The following KAZN variants were observed in gnomAD, a reference collection of about 807,000 sequenced individuals.
The protein encoded by KAZN is kazrin, periplakin interacting protein, also known as kazrin.
Under a neutral mutation model 87.4 loss-of-function variants are expected in KAZN, and 40 were observed. The observed-to-expected ratio is 0.46, with a 90% confidence interval of 0.36 to 0.60. The LOEUF (loss-of-function observed/expected upper bound fraction) is 0.60. KAZN is among the 20% of genes least tolerant of loss of function. The probability of loss-of-function intolerance (pLI) is 0.00; values close to 1 mark genes in which losing one functional copy is unlikely to be tolerated. For missense variants in KAZN, 898 were observed against 1,073.9 expected, an observed-to-expected ratio of 0.84 and a Z score of 2.29; for synonymous variants, 466 against 458.3, an observed-to-expected ratio of 1.02 and a Z score of -0.22.
At chr1:14,466,696 C>T (rs372313428) in intron 2 of KAZN, among the ~76,000 whole-genome samples, 171 of 151,556 alleles carry the variant, frequency 1.1e-3, no homozygotes, top group South Asian at 6.3e-3. Context: ...CGGCCAGGCG[C>T]GGTGGCTCAC....
intron 1 of KAZN, among the ~76,000 whole-genome samples, chr1:14,818,884 G>A (rs879778164): frequency 9.9e-5 from 15 of 152,132 alleles, no homozygotes; most frequent in South Asian, 2.1e-4. Flanking sequence ...GTGAAAGACC[G>A]TCTCTACTAA....
chr1:14,612,655 A>G (rs887687410), intron 1 of KAZN, among the ~76,000 whole-genome samples: 34 of 152,146 alleles, frequency 2.2e-4, no homozygotes, highest in Admixed American at 2.2e-3. Flanking sequence ...TCAGCACTGT[A>G]GACATTCTAG....
At position 13,998,689 on chromosome 1, in the gene KAZN, C is replaced by A. The variant is rs562299291; in HGVS notation, c.91+104933C>A. ...TAACTATTCTAAATATATATGCACC[C>A]AATACAGAAGCACCCAGATTCATAA... On this transcript the variant is annotated intron_variant, in intron 1 of 16. Coordinates refer to the KAZN transcript ENST00000636203. 1.2e-4 allele frequency among the ~76,000 whole-genome samples: 18 copies of A among 151,914 alleles called. No homozygotes were observed. In the South Asian group the frequency reaches 3.7e-3, roughly 32 times the overall value.
rs140728765 is a variant in KAZN at position 14,820,828 on chromosome 1, C to G, written c.227-139856C>G. On this transcript the variant is annotated intron_variant, in intron 1 of 14. Transcript: ENST00000376030. The surrounding 1 kb of genome is among the most constrained non-coding windows in gnomAD (Gnocchi z 4.1). ...GGGGAGTGAAGGGGGCCATGGCAGT[C>G]TGATGCAGGGAAGGGATACGCCCAA... Among the ~76,000 whole-genome samples, 1 of 152,062 alleles carries G rather than the reference C, an allele frequency of 6.6e-6. No homozygotes were observed. Among genetic ancestry groups the G allele is most frequent in the South Asian group, 2.1e-4 (1 of 4,814 alleles).
intron 2 of KAZN, among the ~76,000 whole-genome samples, chr1:14,354,458 T>A (rs2100953453): frequency 6.6e-6 from 1 of 152,198 alleles, no homozygotes; most frequent in Middle Eastern, 3.4e-3. Context: ...ATGCTTATAA[T>A]TCAGTAATAA....
chr1:14,447,460 C>T (rs1047228920), intron 2 of KAZN, among the ~76,000 whole-genome samples: 5 of 151,826 alleles, frequency 3.3e-5, no homozygotes, highest in Non-Finnish European at 7.4e-5. Context: ...AGGATGGTCT[C>T]GATCTTTTCA....
chr1:14,466,124 A>G (rs1265418398), intron 2 of KAZN, among the ~76,000 whole-genome samples: 2 of 152,188 alleles, frequency 1.3e-5, no homozygotes, highest in African/African-American at 2.4e-5. Flanking sequence ...ACCTAACAAC[A>G]TATTTTTCAG....
chr1:14,634,484 A>G (rs892656056), intron 1 of KAZN, among the ~76,000 whole-genome samples: 1 of 152,252 alleles, frequency 6.6e-6, no homozygotes, highest in Non-Finnish European at 1.5e-5. Flanking sequence ...AGCACTGCAA[A>G]TAAGGTCCAT....
chr1:14,913,799 C>T (rs1557614682), intron 1 of KAZN, among the ~76,000 whole-genome samples: 1 of 152,158 alleles, frequency 6.6e-6, no homozygotes, highest in East Asian at 1.9e-4. Context: ...TTCTGGTGGG[C>T]GGGTAGACAG....
At chr1:14,745,868 C>T (rs1290396543) in intron 1 of KAZN, among the ~76,000 whole-genome samples, 2 of 152,122 alleles carry the variant, frequency 1.3e-5, no homozygotes, top group African/African-American at 4.8e-5. Flanking sequence ...CTGTTGGGGA[C>T]AGTTTTCATT....
chr1:14,880,130 GA>G (rs1310859318), intron 1 of KAZN, among the ~76,000 whole-genome samples: 3 of 152,160 alleles, frequency 2.0e-5, no homozygotes, highest in Admixed American at 1.3e-4. Flanking sequence ...GGACTGGAGG[GA>G]GGAGAGTTAT....
chr1:14,365,655 G>GC (rs1659935468), intron 2 of KAZN, among the ~76,000 whole-genome samples: 1 of 152,128 alleles, frequency 6.6e-6, no homozygotes, highest in Admixed American at 6.5e-5. Context: ...AGCGTCCCCA[G>GC]CCTCTACTCA....
rs148438266 is a variant in KAZN, at chr1:14,823,157, C to T, written c.227-137527C>T. ...ATGTGGCACCACACCTGGGAAGGCC[C>T]GTCGCCTCGGCCACACATGGGCAGG... is the stretch of plus-strand genomic sequence containing the variant. On this transcript the variant is annotated intron_variant, in intron 1 of 14. Transcript: ENST00000376030. 6.0e-3 allele frequency among the ~76,000 whole-genome samples: 908 copies of T among 152,296 alleles called. 12 individuals are homozygous for T. The highest frequency in any genetic ancestry group is 0.021 in the African/African-American group (876 of 41,550).
chr1:14,910,218 G>A (rs1030534425), intron 1 of KAZN, among the ~76,000 whole-genome samples: 4 of 152,070 alleles, frequency 2.6e-5, no homozygotes, highest in Admixed American at 2.6e-4. Flanking sequence ...CTGACCTTTA[G>A]CCATGAGTGG....
chr1:14,870,361 G>A (rs1482743976), intron 1 of KAZN, among the ~76,000 whole-genome samples: 1 of 151,994 alleles, frequency 6.6e-6, no homozygotes, highest in African/African-American at 2.4e-5. Context: ...TGTTTGTATT[G>A]AGACAGAGTT....
Position 14,510,035 on chromosome 1 carries a change from T to G in KAZN, c.250-88948T>G, listed in dbSNP as rs149776226. 3.5e-3 allele frequency among the ~76,000 whole-genome samples: 532 copies of G among 151,708 alleles called. 4 individuals are homozygous for G. Among genetic ancestry groups the G allele is most frequent in the African/African-American group, 0.012 (513 of 41,368 alleles). ...ACAGGGACACAAGTGTGAGATGGAG[T>G]TAGAAAAGTAGGTGGTGCCAGACAT... On this transcript the variant is annotated intron_variant, in intron 2 of 16. Transcript: ENST00000636203.
At chr1:15,061,428 G>T (rs2100533527) in intron 6 of KAZN, 1 of 152,302 alleles carries the variant, frequency 6.6e-6, no homozygotes, top group South Asian at 2.1e-4. Flanking sequence ...GCTGGCCCGG[G>T]GACTTTAGAT....
intron 2 of KAZN, among the ~76,000 whole-genome samples, chr1:14,295,603 A>C (rs779421220): frequency 1.3e-5 from 2 of 152,164 alleles, no homozygotes; most frequent in Non-Finnish European, 2.9e-5. Context: ...ACCCATGTGC[A>C]CCAAAGAGCC....
chr1:14,284,201 A>C (rs946700865), intron 2 of KAZN, among the ~76,000 whole-genome samples: 2 of 152,186 alleles, frequency 1.3e-5, no homozygotes, highest in African/African-American at 4.8e-5. Flanking sequence ...ATGTTCTAGC[A>C]TAATTGATTG....
Sources: gnomAD v4.1 joint callset for allele counts (sites outside exome capture counted in the v4.1 genomes callset) on GRCh38, gnomAD v4.1.1 for gene constraint, Gnocchi (gnomAD v3.1) non-coding constraint, MANE v1.5 for transcripts, NCBI Gene and HGNC (gene_info 2026-07-23, HGNC 2026-07-21) for gene names.